The following QTMAN variants were observed in gnomAD, a reference collection of about 807,000 sequenced individuals.
QTMAN encodes tRNA-queuosine alpha-mannosyltransferase.
At chr2:144,220,285 T>C in the QTMAN span, among the ~76,000 whole-genome samples, 10 of 152,316 alleles carry the variant, frequency 6.6e-5, no homozygotes, top group Middle Eastern at 3.4e-3. Flanking sequence ...ATCCTGAAGA[T>C]ATTTAGGATT....
chr2:144,064,549 C>T, the QTMAN span, among the ~76,000 whole-genome samples: 1 of 152,114 alleles, frequency 6.6e-6, no homozygotes, highest in Non-Finnish European at 1.5e-5. Flanking sequence ...TCCACAGGAA[C>T]CTGCGTTTGA....
At chr2:143,961,517 T>G in the QTMAN span, among the ~76,000 whole-genome samples, 1 of 152,168 alleles carries the variant, frequency 6.6e-6, no homozygotes, top group Non-Finnish European at 1.5e-5. Flanking sequence ...AATTAATTTA[T>G]TTTCCTGTGT....
the QTMAN span, among the ~76,000 whole-genome samples, chr2:144,272,446 T>C: frequency 2.0e-5 from 3 of 152,200 alleles, no homozygotes; most frequent in East Asian, 5.8e-4. Context: ...TTTTTCCATA[T>C]TCCCTAAGCA....
chr2:144,251,884 A>G, the QTMAN span, among the ~76,000 whole-genome samples: 1 of 152,200 alleles, frequency 6.6e-6, no homozygotes, highest in East Asian at 1.9e-4. Context: ...AAACTCAATA[A>G]TAAGTAAACA....
chr2:144,267,669 A>G, the QTMAN span, among the ~76,000 whole-genome samples: 1 of 152,234 alleles, frequency 6.6e-6, no homozygotes, highest in Non-Finnish European at 1.5e-5. Flanking sequence ...AGGATTTTTA[A>G]CACTTCCACA....
chr2:144,000,775 C>A, the QTMAN span, among the ~76,000 whole-genome samples: 4 of 152,006 alleles, frequency 2.6e-5, no homozygotes, highest in Non-Finnish European at 4.4e-5. Context: ...ATGGCCAGAG[C>A]ACGTGAACAT....
chr2:144,220,388 G>C, the QTMAN span, among the ~76,000 whole-genome samples: 19 of 152,244 alleles, frequency 1.2e-4, no homozygotes, highest in East Asian at 3.7e-3. Flanking sequence ...GAGGAAGCAC[G>C]GGCTTTCCCA....
chr2:143,996,359 G>A, the QTMAN span, among the ~76,000 whole-genome samples: 3 of 152,058 alleles, frequency 2.0e-5, no homozygotes, highest in Non-Finnish European at 2.9e-5. Flanking sequence ...AACCAGTCAC[G>A]CAGCCACCCC....
At chr2:144,068,935 C>G in the QTMAN span, among the ~76,000 whole-genome samples, 7 of 152,112 alleles carry the variant, frequency 4.6e-5, no homozygotes, top group Non-Finnish European at 7.4e-5. Flanking sequence ...CATATTATCG[C>G]CCTTTATCAT....
the QTMAN span, among the ~76,000 whole-genome samples, chr2:144,132,230 A>G: frequency 6.6e-6 from 1 of 152,004 alleles, no homozygotes; most frequent in Admixed American, 6.6e-5. Context: ...TCAAAGAATT[A>G]AATTACTGGG....
the QTMAN span, among the ~76,000 whole-genome samples, chr2:144,113,563 T>C: frequency 1.1e-4 from 17 of 152,236 alleles, no homozygotes; most frequent in Admixed American, 1.1e-3. Context: ...GGCTGAAAAT[T>C]TCCCAAATTT....
chr2:144,315,657 A>G, the QTMAN span, among the ~76,000 whole-genome samples: 1 of 152,222 alleles, frequency 6.6e-6, no homozygotes, highest in Non-Finnish European at 1.5e-5. Flanking sequence ...AAAACTTTCT[A>G]GGACTATTGT....
chr2:143,991,707 G>A, the QTMAN span, among the ~76,000 whole-genome samples: 3 of 140,262 alleles, frequency 2.1e-5, no homozygotes, highest in African/African-American at 5.3e-5. Flanking sequence ...CCCGCCGCCC[G>A]GCCAGTCGCC....
At chr2:144,289,419 A>G in the QTMAN span, among the ~76,000 whole-genome samples, 1 of 152,284 alleles carries the variant, frequency 6.6e-6, no homozygotes, top group Non-Finnish European at 1.5e-5. Context: ...AACACTGAGC[A>G]TAGGCTCAAA....
At chr2:144,079,943 G>A in the QTMAN span, among the ~76,000 whole-genome samples, 1 of 151,888 alleles carries the variant, frequency 6.6e-6, no homozygotes, top group Non-Finnish European at 1.5e-5. Context: ...TACTCTGTTG[G>A]CAAAATCAAT....
the QTMAN span, chr2:143,938,657 TC>T: frequency 1.1e-4 from 16 of 151,946 alleles, no homozygotes; most frequent in East Asian, 3.1e-3. Flanking sequence ...ATTTTTTTTT[TC>T]ATCAATGCCA....
At chr2:144,318,194 AACACACAC>A in the QTMAN span, among the ~76,000 whole-genome samples, 127 of 142,018 alleles carry the variant, frequency 8.9e-4, no homozygotes, top group African/African-American at 2.1e-3. Flanking sequence ...TATTTAAATA[AACACACAC>A]ACACACACAC....
the QTMAN span, among the ~76,000 whole-genome samples, chr2:144,158,622 A>T: frequency 6.6e-6 from 1 of 152,154 alleles, no homozygotes; most frequent in South Asian, 2.1e-4. Context: ...AAGGAAAAAA[A>T]TTGAGCCAAT....
the QTMAN span, among the ~76,000 whole-genome samples, chr2:144,087,477 T>C: frequency 2.6e-5 from 4 of 152,112 alleles, no homozygotes; most frequent in African/African-American, 7.2e-5. Context: ...ATCCCCATGA[T>C]ACCAAAACCA....
Sources: allele counts gnomAD v4.1 joint callset (sites outside exome capture counted in the v4.1 genomes callset), GRCh38; gene constraint gnomAD v4.1.1; transcripts MANE v1.5; gene names NCBI Gene and HGNC (gene_info 2026-07-23, HGNC 2026-07-21).